Variants in VWA3A observed in about 807,000 individuals in gnomAD.
VWA3A encodes von Willebrand factor A domain-containing protein 3A.
VWA3A carries 134 observed loss-of-function variants against 160.4 expected under a neutral mutation model. The ratio of observed to expected loss-of-function variants is 0.84; its 90% CI spans 0.73 to 0.96. The LOEUF (loss-of-function observed/expected upper bound fraction) is 0.96, where lower values mean the gene tolerates loss of function less well. Among genes scored for constraint, VWA3A ranks in the 40% least tolerant of loss-of-function variants. VWA3A has a pLI of 0.00. For missense variants in VWA3A, 1,310 were observed against 1,447.9 expected, an observed-to-expected ratio of 0.90 and a Z score of 1.55; for synonymous variants, 476 against 543.4, an observed-to-expected ratio of 0.88 and a Z score of 1.72.
At chr16:22,105,216 C>T (rs931496922) in intron 6 of VWA3A, among the ~76,000 whole-genome samples, 1 of 152,162 alleles carries the variant, frequency 6.6e-6, no homozygotes, top group African/African-American at 2.4e-5. Context: ...TCTCACCCCC[C>T]GACCTCCACT....
rs189184181 is a variant in VWA3A at position 22,138,477 on chromosome 16, C to T, written c.2257C>T (p.Pro753Ser). ...QLRSQPKKLCPPRPTVPLGAR... is the reference protein window; with the variant it reads ...QLRSQPKKLCSPRPTVPLGAR... The stretch of plus-strand genomic sequence containing the variant: ...AAGAAGTCAGCCCAAGAAGCTCTGC[C>T]CTCCCAGGCCCACCGTCCCCCTGGG... Residue 753 changes from proline to serine, a missense_variant, in exon 22 of 34, where the codon CCT (proline) becomes TCT (serine). Pro to Ser is a moderately conservative substitution (Grantham distance 74). Transcript: ENST00000389398. 8.5e-5 allele frequency: 137 copies of T among 1,613,972 alleles called. 1 individual carries two copies. The African/African-American group carries it at 1.5e-3, about 18-fold the overall frequency.
chr16:22,132,748 C>A, intron 19 of VWA3A, 152 bp from the exon 20 acceptor site: 1 of 713,954 alleles, frequency 1.4e-6, no homozygotes, highest in Non-Finnish European at 2.2e-6. Flanking sequence ...AGAGAAACTG[C>A]AACCCAGCCT....
At chr16:22,118,263 A>T (rs887019800) in intron 11 of VWA3A, among the ~76,000 whole-genome samples, 4 of 152,230 alleles carry the variant, frequency 2.6e-5, no homozygotes, top group African/African-American at 9.6e-5. Context: ...CCTGAGTGAC[A>T]GAGCAAGACC....
intron 5 of VWA3A, among the ~76,000 whole-genome samples, chr16:22,102,968 G>A (rs1452517871): frequency 6.6e-6 from 1 of 152,210 alleles, no homozygotes; most frequent in Non-Finnish European, 1.5e-5. Context: ...CCTGTGCACT[G>A]TGTCACCAAT....
rs1269723300 is a variant in VWA3A, at chr16:22,110,948, A to G, written c.643A>G (p.Asn215Asp). 2 of 1,610,798 alleles carry G rather than the reference A, an allele frequency of 1.2e-6. No individual in the cohort carries two copies. Among genetic ancestry groups the G allele is most frequent in the Non-Finnish European group, 8.5e-7 (1 of 1,178,684 alleles). ...GCTGTTTGTCCTGTCCTTTGGCACC[A>G]ATGCCGGGTCCCTCTGGCCAGACCC... ...EKLFVLSFGT[N>D]AGSLWPDPME... is the part of the protein sequence containing the mutation. The change falls in exon 8 of 34, where the codon AAT becomes GAT. Residue 215 changes from asparagine to aspartate, a missense_variant. Physicochemically the swap from Asn to Asp is conservative, Grantham distance 23. Transcript: ENST00000389398.
At position 22,119,304 on chromosome 16, in the gene VWA3A, G is replaced by A. The variant is rs192562942; in HGVS notation, c.1116+277G>A. ...AGGCTCCTGCCACCCTCTCTATCCT[G>A]TCACTGTCCCCTCCCTTACCCCCAG... On this transcript the variant is annotated intron_variant, in intron 12 of 33. Coordinates refer to ENST00000389398, the MANE Select transcript of VWA3A (RefSeq NM_173615.5). 7.9e-5 allele frequency among the ~76,000 whole-genome samples: 12 copies of A among 152,292 alleles called. No homozygotes were observed. In the East Asian group the frequency reaches 2.3e-3, roughly 29 times the overall value.
intron 17 of VWA3A, among the ~76,000 whole-genome samples, chr16:22,130,408 T>C (rs1159118830): frequency 6.6e-6 from 1 of 151,724 alleles, no homozygotes; most frequent in Non-Finnish European, 1.5e-5. Context: ...AAGTTGGGAA[T>C]GTGTGGATGT....
At chr16:22,099,682 C>T (rs2045377911) in intron 3 of VWA3A, among the ~76,000 whole-genome samples, 1 of 152,210 alleles carries the variant, frequency 6.6e-6, no homozygotes, top group African/African-American at 2.4e-5. Flanking sequence ...GAACTTAAGT[C>T]AAGGTCGCTT....
At chr16:22,149,748 C>T (rs1289978004) in intron 28 of VWA3A, 39 bp from the exon 29 acceptor site, 1 of 1,560,452 alleles carries the variant, frequency 6.4e-7, no homozygotes, top group East Asian at 2.3e-5. Context: ...CTCTTTCTCC[C>T]CTTCTCTGCC....
intron 20 of VWA3A, among the ~76,000 whole-genome samples, chr16:22,133,911 A>G (rs2045994006): frequency 6.6e-6 from 1 of 152,160 alleles, no homozygotes; most frequent in African/African-American, 2.4e-5. Flanking sequence ...TTGTTTTTCA[A>G]AGGGTGGTGT....
chr16:22,118,311 A>G (rs969186383), intron 11 of VWA3A, among the ~76,000 whole-genome samples: 1 of 152,010 alleles, frequency 6.6e-6, no homozygotes, highest in Admixed American at 6.6e-5. Context: ...ATAAATTATT[A>G]TTATTATTAT....
intron 5 of VWA3A, among the ~76,000 whole-genome samples, chr16:22,100,969 A>G (rs1380342216): frequency 6.6e-6 from 1 of 150,966 alleles, no homozygotes; most frequent in Non-Finnish European, 1.5e-5. Flanking sequence ...TGTCTCAAAA[A>G]AAAAAAAAAA....
chr16:22,140,422 A>G (rs2046125286), intron 23 of VWA3A, among the ~76,000 whole-genome samples, 178 bp downstream of exon 23: 1 of 152,110 alleles, frequency 6.6e-6, no homozygotes, highest in Admixed American at 6.6e-5. Flanking sequence ...AGCCTTGACA[A>G]CATAGCAAGA....
intron 30 of VWA3A, among the ~76,000 whole-genome samples, chr16:22,152,014 G>T (rs1014970346): frequency 6.6e-6 from 1 of 152,194 alleles, no homozygotes; most frequent in Non-Finnish European, 1.5e-5. Flanking sequence ...TTCGAGACCA[G>T]CCTGGCCAAC....
chr16:22,141,593 C>T lies in VWA3A; in HGVS notation c.2395C>T (p.Pro799Ser), dbSNP rs752314494. 6.2e-7 allele frequency: 1 copy of T among 1,610,904 alleles called. No homozygotes were observed. Among genetic ancestry groups the T allele is most frequent in the Non-Finnish European group, 8.5e-7 (1 of 1,178,612 alleles). Residue 799 changes from proline to serine, a missense_variant, in exon 24 of 34, where the codon CCA (proline) becomes TCA (serine). Coordinates refer to ENST00000389398, the MANE Select transcript of VWA3A (RefSeq NM_173615.5). ...CAAATGTTCCTCAGCTGCGGCCCAG[C>T]CAACGAAAGAAGGGATGATGGAACT... ...RVGISPAAAQ[P>S]TKEGMMELRR...
intron 27 of VWA3A, chr16:22,147,649 T>C: frequency 2.8e-6 from 2 of 703,018 alleles, no homozygotes; most frequent in Non-Finnish European, 2.6e-6. Context: ...TCAGGTACAG[T>C]TGTCAGGTCA....
In VWA3A at chr16:22,123,572, AGCCTTTGAGCAGCCGCTCACTGTG is replaced by A. The variant is rs907810000; in HGVS notation, c.1438-37_1438-14del. 9 of 1,613,660 alleles carry A rather than the reference AGCCTTTGAGCAGCCGCTCACTGTG, an allele frequency of 5.6e-6. No homozygotes were observed. The highest frequency in any genetic ancestry group is 7.6e-6 in the Non-Finnish European group (9 of 1,179,832). ...TTCCCCTCAGGCCCCTTGGTTGCTCAGCCTTTGAGCAGCCGCTCACTGTGGCCCACACTTCTGCAGCAACAGCTC... is the reference window on the plus strand; with the variant it reads ...TTCCCCTCAGGCCCCTTGGTTGCTCAGCCCACACTTCTGCAGCAACAGCTC... On this transcript the variant is annotated splice_polypyrimidine_tract_variant and intron_variant, in intron 15 of 33. Transcript: ENST00000389398.
At position 22,152,618 on chromosome 16, in the gene VWA3A, G is replaced by C. The variant is rs770040448; in HGVS notation, c.3389G>C (p.Gly1130Ala). 51 of 1,606,670 alleles carry C rather than the reference G, an allele frequency of 3.2e-5. No individual in the cohort carries two copies. The highest frequency in any genetic ancestry group is 3.3e-4 in the Middle Eastern group (2 of 6,074). The change falls in exon 31 of 34, where the codon GGC becomes GCC. Residue 1130 changes from glycine to alanine, a missense_variant. By Grantham distance (60) the Gly-to-Ala change is moderately conservative. Transcript: ENST00000389398. ...AAAATTCACAGCCTGCTGACCAAAG[G>C]CTTCATCAATGAAAAGGTAGGTTGC... is the stretch of plus-strand genomic sequence containing the variant. ...LSKIHSLLTKGFINEKDPTLP... is the reference protein window; with the variant it reads ...LSKIHSLLTKAFINEKDPTLP...
At chr16:22,113,196 G>T (rs1038362934) in intron 8 of VWA3A, among the ~76,000 whole-genome samples, 2 of 151,084 alleles carry the variant, frequency 1.3e-5, no homozygotes, top group Admixed American at 1.3e-4. Context: ...TTGTCTTTTT[G>T]TTTGTTTGTT....
Sources: gnomAD v4.1 joint callset for allele counts (sites outside exome capture counted in the v4.1 genomes callset) on GRCh38, gnomAD v4.1.1 for gene constraint, MANE v1.5 for transcripts, NCBI Gene and HGNC (gene_info 2026-07-23, HGNC 2026-07-21) for gene names.